PDE1C: variants seen among roughly 807,000 people sequenced by gnomAD.
PDE1C encodes the protein dual specificity calcium/calmodulin-dependent 3',5'-cyclic nucleotide phosphodiesterase 1C.
A neutral mutation model predicts 93.1 loss-of-function variants in PDE1C; 62 were observed. That is an observed-to-expected ratio of 0.67 (90% confidence interval 0.54 to 0.82). The LOEUF (loss-of-function observed/expected upper bound fraction) is 0.82. PDE1C is among the 40% of genes least tolerant of loss of function. The pLI is 0.00. For synonymous variants in PDE1C, 325 were observed against 310.1 expected (o/e 1.05, Z -0.50); for missense variants, 742 against 884.6 (o/e 0.84, Z 2.04).
intron 1 of PDE1C, among the ~76,000 whole-genome samples, chr7:32,250,130 G>A (rs1048608058): frequency 6.6e-6 from 1 of 152,192 alleles, no homozygotes; most frequent in African/African-American, 2.4e-5. Context: ...CAGAAGCTGA[G>A]TAATGACACA....
the PDE1C span, among the ~76,000 whole-genome samples, chr7:31,711,012 A>G: frequency 3.3e-5 from 5 of 152,226 alleles, no homozygotes; most frequent in Admixed American, 6.5e-5. Flanking sequence ...GAAGAAAAGG[A>G]TAGGTGTATC....
intron 3 of PDE1C, among the ~76,000 whole-genome samples, chr7:32,091,154 T>G (rs1439534674): frequency 1.3e-5 from 2 of 152,202 alleles, no homozygotes; most frequent in Admixed American, 6.5e-5. Context: ...TTGAATGAAT[T>G]AATTATTAGT....
At chr7:32,015,192 C>G (rs139392139) in intron 2 of PDE1C, among the ~76,000 whole-genome samples, 3,828 of 152,110 alleles carry the variant, frequency 0.025, 181 homozygotes, top group African/African-American at 0.088. Flanking sequence ...TCAATTAAAC[C>G]TCTTCCCTTT....
intron 1 of PDE1C, among the ~76,000 whole-genome samples, chr7:32,273,634 G>A (rs1382217010): frequency 6.6e-6 from 1 of 152,172 alleles, no homozygotes; most frequent in East Asian, 1.9e-4. Context: ...GTTTTCAGAA[G>A]AGGAGGTCCA....
chr7:31,803,859 C>T lies in PDE1C; in HGVS notation c.1891+5172G>A, dbSNP rs533442953. Among the ~76,000 whole-genome samples, 6 of 152,036 alleles carry T rather than the reference C, an allele frequency of 3.9e-5. No individual in the cohort carries two copies. The East Asian group carries it at 7.8e-4, about 20-fold the overall frequency. On this transcript the variant is annotated intron_variant, in intron 16 of 17. Coordinates refer to ENST00000396191, the MANE Select transcript of PDE1C (RefSeq NM_001191057.4). ...TGTGAATAGTGCTGCTATAAACATT[C>T]GTGAGCGTGTGTCTTTATAGCAGCA...
intron 2 of PDE1C, among the ~76,000 whole-genome samples, chr7:32,183,379 C>T (rs1803582087): frequency 6.6e-6 from 1 of 152,188 alleles, no homozygotes; most frequent in African/African-American, 2.4e-5. Flanking sequence ...CTGGAGGCAT[C>T]ACGCTACCTG....
the PDE1C span, among the ~76,000 whole-genome samples, chr7:31,699,173 AAAGGTTCTGAGG>A: frequency 0.32 from 48,149 of 152,044 alleles, 8,290 homozygotes; most frequent in East Asian, 0.61. Context: ...CAGAAAGAGG[AAAGGTTCTGAGG>A]ACTGCCTTTA....
the PDE1C span, among the ~76,000 whole-genome samples, chr7:31,661,661 C>T: frequency 6.6e-6 from 1 of 151,836 alleles, no homozygotes; most frequent in Non-Finnish European, 1.5e-5. Flanking sequence ...TGCAGTGAGC[C>T]GAGATCCCAC....
At chr7:32,393,481 T>C (rs561787106) in intron 1 of PDE1C, among the ~76,000 whole-genome samples, 13 of 152,300 alleles carry the variant, frequency 8.5e-5, no homozygotes, top group South Asian at 2.1e-4. Flanking sequence ...CTGAAGTCTA[T>C]CATTTAATTA....
upstream of PDE1C, among the ~76,000 whole-genome samples, chr7:32,073,400 T>C (rs752290425): frequency 9.8e-5 from 15 of 152,292 alleles, no homozygotes; most frequent in Non-Finnish European, 1.8e-4. Context: ...TTTCAAATTT[T>C]TGAAGCAACA....
In PDE1C at chr7:32,419,683, G is replaced by A. The variant is rs550438643; in HGVS notation, c.310+8139C>T. ...GGGAAATGACAATATTTTGCAACTT[G>A]GCCACATTTTTCCTTGGCTGAGAAG... On this transcript the variant is annotated intron_variant, in intron 1 of 1. Coordinates refer to the PDE1C transcript ENST00000672256. Among the ~76,000 whole-genome samples, 5 of 152,094 alleles carry A rather than the reference G, an allele frequency of 3.3e-5. No individual in the cohort carries two copies. The South Asian group carries it at 1.0e-3, about 32-fold the overall frequency.
the PDE1C span, among the ~76,000 whole-genome samples, chr7:31,706,672 G>T: frequency 7.2e-5 from 11 of 152,280 alleles, no homozygotes; most frequent in African/African-American, 2.6e-4. Flanking sequence ...AGGCTTACCA[G>T]TTCTTTTCCA....
At position 31,935,819 on chromosome 7, in the gene PDE1C, C is replaced by G. The variant is rs529858760; in HGVS notation, c.129-54959G>C. ...GGTCCTCTTATTTATCAGGGTCTAA[C>G]GTCACCAAGCAGCAGCTGAAAGGAA... On this transcript the variant is annotated intron_variant, in intron 2 of 17. Transcript: ENST00000396191. Among the ~76,000 whole-genome samples the G allele has an allele frequency of 2.6e-5, 4 of 151,936 alleles. No individual in the cohort carries two copies. The South Asian group carries it at 8.3e-4, about 32-fold the overall frequency.
intron 2 of PDE1C, among the ~76,000 whole-genome samples, chr7:32,207,112 G>A (rs771344265): frequency 6.6e-6 from 1 of 152,080 alleles, no homozygotes; most frequent in Admixed American, 6.6e-5. Context: ...AAGGGGCCTG[G>A]TAGATCCAGA....
intron 2 of PDE1C, chr7:31,941,653 C>CGTTA (rs10664570): frequency 0.71 from 107,811 of 152,130 alleles, 38,385 homozygotes; most frequent in Admixed American, 0.75. Flanking sequence ...ATCCACTTCC[C>CGTTA]GTTATTCCTA....
chr7:32,334,971 CT>C (rs1257646573), intron 1 of PDE1C, among the ~76,000 whole-genome samples: 7 of 152,062 alleles, frequency 4.6e-5, no homozygotes, highest in Admixed American at 1.3e-4. Context: ...TTCTGTAGAT[CT>C]TGGCAGAAAT....
At chr7:31,642,911 C>T in the PDE1C span, 3 of 1,613,890 alleles carry the variant, frequency 1.9e-6, no homozygotes, top group Admixed American at 1.7e-5. Context: ...ATGGAGGGGC[C>T]ACCAGAGCTG....
At chr7:32,269,098 T>G (rs1441873540) in intron 1 of PDE1C, among the ~76,000 whole-genome samples, 2 of 152,244 alleles carry the variant, frequency 1.3e-5, no homozygotes, top group Admixed American at 6.5e-5. Flanking sequence ...TTCTTAAAGA[T>G]GCCCACTAAA....
intron 11 of PDE1C, among the ~76,000 whole-genome samples, chr7:31,833,274 C>T (rs1790652036): frequency 6.6e-6 from 1 of 152,210 alleles, no homozygotes; most frequent in African/African-American, 2.4e-5. Context: ...GTCAATTAAA[C>T]TTCTTTCCTT....
Sources: allele counts gnomAD v4.1 joint callset (sites outside exome capture counted in the v4.1 genomes callset), GRCh38; gene constraint gnomAD v4.1.1; transcripts MANE v1.5; gene names NCBI Gene and HGNC (gene_info 2026-07-23, HGNC 2026-07-21).